PREP: variants seen among roughly 807,000 people sequenced by gnomAD.
PREP encodes dJ355L5.1 (prolyl endopeptidase).
PREP carries 29 observed loss-of-function variants against 87.6 expected under a neutral mutation model. The ratio of observed to expected loss-of-function variants is 0.33; its 90% CI spans 0.25 to 0.45. The LOEUF (loss-of-function observed/expected upper bound fraction) is 0.45. PREP is among the 20% of genes least tolerant of loss of function. The probability of loss-of-function intolerance (pLI) is 1.00; values close to 1 mark genes in which losing one functional copy is unlikely to be tolerated. For missense variants in PREP, 695 were observed against 886.5 expected (o/e 0.78, Z 2.74); for synonymous variants, 337 against 328.6 (o/e 1.03, Z -0.28).
intron 2 of PREP, among the ~76,000 whole-genome samples, chr6:105,394,230 A>G (rs1452405145): frequency 1.3e-5 from 2 of 152,240 alleles, no homozygotes; most frequent in Admixed American, 6.5e-5. Flanking sequence ...AAAAGTAGGA[A>G]TAACAATGCT....
intron 10 of PREP, among the ~76,000 whole-genome samples, chr6:105,306,876 C>T (rs549954059): frequency 6.6e-6 from 1 of 152,266 alleles, no homozygotes; most frequent in Non-Finnish European, 1.5e-5. Flanking sequence ...ATCTGTCTCC[C>T]TTTCCAGGCT....
chr6:105,324,380 C>T (rs1427833618), intron 9 of PREP, among the ~76,000 whole-genome samples: 1 of 152,174 alleles, frequency 6.6e-6, no homozygotes, highest in Non-Finnish European at 1.5e-5. Flanking sequence ...TTGTGCACGA[C>T]ACAAAATGAT....
intron 11 of PREP, 63 bp downstream of exon 11, chr6:105,288,695 T>C (rs1770238713): frequency 8.8e-6 from 14 of 1,584,982 alleles, no homozygotes; most frequent in Admixed American, 1.7e-5. Flanking sequence ...TAGAGCACTC[T>C]GGTTTGTTTC....
chr6:105,364,509 A>G (rs1207451999), intron 6 of PREP, among the ~76,000 whole-genome samples: 1 of 152,156 alleles, frequency 6.6e-6, no homozygotes, highest in Non-Finnish European at 1.5e-5. Flanking sequence ...GAGGTTGACG[A>G]CAGCAAGCCA....
In PREP at chr6:105,377,375, A is replaced by G; in HGVS notation, c.254+11T>C. 6.3e-7 allele frequency: 1 copy of G among 1,588,582 alleles called. No homozygotes were observed. The highest frequency in any genetic ancestry group is 2.2e-5 in the East Asian group (1 of 44,676). ...GAAAATAAAAAGGAAATTCAGTAAA[A>G]GCAGTCTCACCGTTTTCCTTTCTTG... On this transcript the variant is annotated intron_variant, in intron 3 of 14. Transcript: ENST00000652536.
chr6:105,371,268 G>A (rs1772533652), intron 5 of PREP, among the ~76,000 whole-genome samples: 1 of 152,108 alleles, frequency 6.6e-6, no homozygotes, highest in Non-Finnish European at 1.5e-5. Context: ...ACTTTGGGAG[G>A]CCGAGGTGGG....
intron 14 of PREP, chr6:105,281,222 G>C (rs1770074377): frequency 6.6e-6 from 1 of 152,550 alleles, no homozygotes; most frequent in East Asian, 1.9e-4. Flanking sequence ...GTGGGACTTA[G>C]GTCCTGTTTC....
In PREP at chr6:105,334,801, T is replaced by C. The variant is rs144960639; in HGVS notation, c.824-1296A>G. 5.1e-3 allele frequency among the ~76,000 whole-genome samples: 776 copies of C among 152,268 alleles called. 7 individuals carry two copies. Among genetic ancestry groups the C allele is most frequent in the South Asian group, 0.015 (72 of 4,812 alleles). On this transcript the variant is annotated intron_variant, in intron 7 of 14. Transcript: ENST00000652536. Reference sequence around the variant, plus strand: ...CAGTGGCTATTCACAGGCATGATCATAGTTCACTGCAACCTCCAACTCCTG... The same window carrying C: ...CAGTGGCTATTCACAGGCATGATCACAGTTCACTGCAACCTCCAACTCCTG...
chr6:105,345,512 A>G (rs1192564815), intron 7 of PREP, among the ~76,000 whole-genome samples: 1 of 152,224 alleles, frequency 6.6e-6, no homozygotes, highest in Non-Finnish European at 1.5e-5. Context: ...CAACTAAACT[A>G]TATTAACTAC....
chr6:105,374,005 A>G, intron 4 of PREP, among the ~76,000 whole-genome samples: 1 of 152,228 alleles, frequency 6.6e-6, no homozygotes, highest in African/African-American at 2.4e-5. Context: ...TAATAGAACT[A>G]AATTGTAGTC....
intron 10 of PREP, among the ~76,000 whole-genome samples, chr6:105,307,495 C>T (rs59934055): frequency 0.028 from 4,193 of 152,142 alleles, 193 homozygotes; most frequent in African/African-American, 0.098. Context: ...CTCTAACCTG[C>T]CTTATATTCC....
chr6:105,287,812 T>G (rs1770218235), intron 11 of PREP, among the ~76,000 whole-genome samples: 1 of 152,204 alleles, frequency 6.6e-6, no homozygotes, highest in Non-Finnish European at 1.5e-5. Context: ...TTATTAAAAG[T>G]GCTCAAAGCA....
rs542550773 is a variant in PREP at position 105,275,689 on chromosome 6, C to T, written c.*2455G>A. ...CAAGATAGGGAATCAACCCACGTGC[C>T]CATCAGCAGATGAACAGATGAAGAA... On this transcript the variant is annotated 3_prime_UTR_variant, in exon 15 of 15. Coordinates refer to ENST00000652536, the MANE Select transcript of PREP (RefSeq NM_002726.5). Among the ~76,000 whole-genome samples, 17 of 152,272 alleles carry T rather than the reference C, an allele frequency of 1.1e-4. No homozygotes were observed. The highest frequency in any genetic ancestry group is 3.3e-4 in the Admixed American group (5 of 15,300).
chr6:105,367,492 T>C (rs1425747354), intron 6 of PREP, among the ~76,000 whole-genome samples: 3 of 151,822 alleles, frequency 2.0e-5, no homozygotes, highest in Non-Finnish European at 2.9e-5. Context: ...GCTAAAACGG[T>C]GAAACCCCGT....
At chr6:105,377,184 A>C (rs1772707026) in intron 3 of PREP, among the ~76,000 whole-genome samples, 1 of 152,184 alleles carries the variant, frequency 6.6e-6, no homozygotes, top group South Asian at 2.1e-4. Flanking sequence ...ACCTATCCCT[A>C]CTAAATTTCT....
At chr6:105,361,720 C>A (rs1772251019) in intron 6 of PREP, among the ~76,000 whole-genome samples, 1 of 152,100 alleles carries the variant, frequency 6.6e-6, no homozygotes. Flanking sequence ...CTTTTGAATT[C>A]CTTTCATAAT....
At chr6:105,323,174 G>A in intron 10 of PREP, 1 of 1,192,034 alleles carries the variant, frequency 8.4e-7, no homozygotes, top group Non-Finnish European at 1.1e-6. Flanking sequence ...GAAGCTTGTG[G>A]TGACATGACA....
intron 8 of PREP, 134 bp downstream of exon 8, chr6:105,333,180 C>T (rs894639382): frequency 2.6e-6 from 2 of 773,544 alleles, no homozygotes; most frequent in Non-Finnish European, 4.2e-6. Flanking sequence ...ACTATTTAGA[C>T]ACTTCATTCC....
rs1436303896 is a variant in PREP, at chr6:105,275,695, G to GCAGATGAA, written c.*2441_*2448dup. Among the ~76,000 whole-genome samples, 2 of 152,196 alleles carry GCAGATGAA rather than the reference G, an allele frequency of 1.3e-5. No individual in the cohort carries two copies. The highest frequency in any genetic ancestry group is 2.9e-5 in the Non-Finnish European group (2 of 68,032). ...AGGGAATCAACCCACGTGCCCATCA[G>GCAGATGAA]CAGATGAACAGATGAAGAAAATGTG... On this transcript the variant is annotated 3_prime_UTR_variant, in exon 15 of 15. Coordinates refer to ENST00000652536, the MANE Select transcript of PREP (RefSeq NM_002726.5).
Sources: allele counts gnomAD v4.1 joint callset (sites outside exome capture counted in the v4.1 genomes callset), GRCh38; gene constraint gnomAD v4.1.1; transcripts MANE v1.5; gene names NCBI Gene and HGNC (gene_info 2026-07-23, HGNC 2026-07-21).